Variants in CSGALNACT1 observed in about 807,000 individuals in gnomAD.
CSGALNACT1 encodes the protein chondroitin sulfate N-acetylgalactosaminyltransferase 1.
Under a neutral mutation model 51.0 loss-of-function variants are expected in CSGALNACT1, and 52 were observed. That is an observed-to-expected ratio of 1.02 (90% CI 0.82 to 1.29). The LOEUF (loss-of-function observed/expected upper bound fraction) is 1.29, where lower values mean the gene tolerates loss of function less well. Among genes scored for constraint, CSGALNACT1 ranks in the 50% most tolerant of loss-of-function variants. The pLI, the probability that CSGALNACT1 is intolerant of heterozygous loss-of-function variation, is 0.00. For missense variants in CSGALNACT1, 935 were observed against 679.2 expected (o/e 1.38, Z -4.19); for synonymous variants, 341 against 254.4 (o/e 1.34, Z -3.24).
chr8:19,752,487 A>G (rs1213451106), intron 1 of CSGALNACT1, among the ~76,000 whole-genome samples: 1 of 152,240 alleles, frequency 6.6e-6, no homozygotes, highest in African/African-American at 2.4e-5. Flanking sequence ...TTTGAGAAAC[A>G]GAAGTAGAAA....
At chr8:19,639,625 C>G (rs913345097) in intron 1 of CSGALNACT1, among the ~76,000 whole-genome samples, 2 of 152,132 alleles carry the variant, frequency 1.3e-5, no homozygotes, top group Admixed American at 6.5e-5. Flanking sequence ...CATACCAAGT[C>G]TTGGGAGTCA....
rs111695922 is a variant in CSGALNACT1, at chr8:19,461,835, T to C, written c.635-3193A>G. The stretch of plus-strand genomic sequence containing the variant: ...CAGCAGCCACATTAGCCATGGAGGG[T>C]GTATCTGCACAGCAGCCACATTCAC... On this transcript the variant is annotated intron_variant, in intron 4 of 9. Transcript: ENST00000454498. Among the ~76,000 whole-genome samples, 933 of 35,950 alleles carry C rather than the reference T, an allele frequency of 0.026. 309 individuals carry two copies. The East Asian group carries it at 0.34, about 13-fold the overall frequency. 23.6% of individuals were successfully genotyped at this position (35,950 alleles called of 152,430 possible).
chr8:19,714,057 C>G (rs1054589692), intron 1 of CSGALNACT1, among the ~76,000 whole-genome samples: 1 of 152,210 alleles, frequency 6.6e-6, no homozygotes, highest in Non-Finnish European at 1.5e-5. Context: ...TCCAGCTTCA[C>G]CCTTCTTCTT....
chr8:19,441,871 A>G (rs954505694), intron 5 of CSGALNACT1, among the ~76,000 whole-genome samples: 5 of 147,732 alleles, frequency 3.4e-5, no homozygotes, highest in Non-Finnish European at 7.6e-5. Flanking sequence ...ACAAATTTAC[A>G]AGAAAAAACA....
At chr8:19,681,869 G>A (rs2060646198) in intron 1 of CSGALNACT1, among the ~76,000 whole-genome samples, 1 of 152,188 alleles carries the variant, frequency 6.6e-6, no homozygotes, top group Admixed American at 6.5e-5. Flanking sequence ...CCCAAGACAT[G>A]TTCACCTGGA....
At chr8:19,478,830 C>T (rs1440858758) in intron 4 of CSGALNACT1, among the ~76,000 whole-genome samples, 1 of 152,154 alleles carries the variant, frequency 6.6e-6, no homozygotes, top group African/African-American at 2.4e-5. Flanking sequence ...TCAAATGAAA[C>T]AAAGTAAACA....
intron 1 of CSGALNACT1, among the ~76,000 whole-genome samples, chr8:19,663,200 A>C (rs2058908507): frequency 6.6e-6 from 1 of 152,128 alleles, no homozygotes; most frequent in South Asian, 2.1e-4. Flanking sequence ...GCAGTCTATT[A>C]AAAAAGATAA....
At chr8:19,590,640 CTTTTTTTTTT>C (rs34859554) in intron 3 of CSGALNACT1, among the ~76,000 whole-genome samples, 1,869 of 69,084 alleles carry the variant, frequency 0.027, 72 homozygotes, top group African/African-American at 0.096. Flanking sequence ...GACCTAACTA[CTTTTTTTTTT>C]TTTTTTTTTT....
At chr8:19,716,651 A>G (rs188745920) in intron 1 of CSGALNACT1, among the ~76,000 whole-genome samples, 1,572 of 142,258 alleles carry the variant, frequency 0.011, 18 homozygotes, top group Non-Finnish European at 0.016. Context: ...AATTAGCCAG[A>G]TGAGGTGGTG....
intron 3 of CSGALNACT1, among the ~76,000 whole-genome samples, chr8:19,574,573 C>T: frequency 6.6e-6 from 1 of 152,148 alleles, no homozygotes; most frequent in East Asian, 1.9e-4. Context: ...TGGTGTGGAA[C>T]TGGCACTAAA....
At chr8:19,706,047 T>G (rs2062145095) in intron 1 of CSGALNACT1, among the ~76,000 whole-genome samples, 2 of 152,082 alleles carry the variant, frequency 1.3e-5, no homozygotes, top group Non-Finnish European at 2.9e-5. Flanking sequence ...AACCCAGACA[T>G]GGAAAAATAC....
intron 5 of CSGALNACT1, chr8:19,457,861 A>T: frequency 3.1e-6 from 4 of 1,280,548 alleles, no homozygotes; most frequent in Non-Finnish European, 4.2e-6. Context: ...AGCTACAAAA[A>T]TGTGGGCTTG....
upstream of CSGALNACT1, among the ~76,000 whole-genome samples, chr8:19,686,928 G>C (rs537740402): frequency 2.0e-5 from 3 of 152,172 alleles, no homozygotes; most frequent in African/African-American, 4.8e-5. Flanking sequence ...ACAGTTTAAC[G>C]TAATGGTTCC....
At chr8:19,448,679 C>T (rs149610353) in intron 5 of CSGALNACT1, among the ~76,000 whole-genome samples, 26 of 152,248 alleles carry the variant, frequency 1.7e-4, no homozygotes, top group African/African-American at 5.3e-4. Flanking sequence ...CGCACATGAA[C>T]AAGGGCAGAG....
chr8:19,581,858 G>A (rs1588657466), intron 3 of CSGALNACT1, among the ~76,000 whole-genome samples: 1 of 152,212 alleles, frequency 6.6e-6, no homozygotes, highest in East Asian at 1.9e-4. Context: ...TGCTGTTGTA[G>A]GTATTTTTAA....
intron 6 of CSGALNACT1, among the ~76,000 whole-genome samples, chr8:19,438,720 A>T (rs557996675): frequency 1.3e-5 from 2 of 152,348 alleles, no homozygotes; most frequent in South Asian, 2.1e-4. Flanking sequence ...CCTGCATTCC[A>T]GTAAAACTTT....
intron 1 of CSGALNACT1, among the ~76,000 whole-genome samples, chr8:19,635,329 G>A (rs10503658): frequency 0.16 from 24,254 of 152,158 alleles, 2,185 homozygotes; most frequent in Middle Eastern, 0.29. Flanking sequence ...AACTTCCTCA[G>A]TGTCTACTCT....
At position 19,404,413 on chromosome 8, in the gene CSGALNACT1, CTA is replaced by C. The variant is rs566512247; in HGVS notation, c.*1365_*1366del. 5.2e-4 allele frequency: 236 copies of C among 453,094 alleles called. 3 individuals carry two copies. Among genetic ancestry groups the C allele is most frequent in the African/African-American group, 4.3e-3 (213 of 50,044 alleles). The allele number at this position is 453,094 out of a possible 1,614,324, so 28.1% of individuals were successfully genotyped here. A position where few individuals can be genotyped will look rare whatever the true frequency, so the allele number is the denominator to read the frequency against. ...TTTTCACATGAATGAAGAAACCACT[CTA>C]TGTTAACTGTATTTATTTTTAAAAA... On this transcript the variant is annotated 3_prime_UTR_variant, in exon 10 of 10. Coordinates refer to ENST00000454498, the Ensembl canonical transcript of CSGALNACT1.
chr8:19,666,719 C>T (rs2059201744), intron 1 of CSGALNACT1, among the ~76,000 whole-genome samples: 1 of 134,276 alleles, frequency 7.4e-6, no homozygotes, highest in Non-Finnish European at 1.6e-5. Context: ...AGAAAAGACA[C>T]AAAGAAAGAC....
Sources: allele counts gnomAD v4.1 joint callset (sites outside exome capture counted in the v4.1 genomes callset), GRCh38; gene constraint gnomAD v4.1.1; transcripts MANE v1.5; gene names NCBI Gene and HGNC (gene_info 2026-07-23, HGNC 2026-07-21).